Variants in TNS3 observed in about 807,000 individuals in gnomAD.
TNS3 encodes tensin-3.
In TNS3, 45 loss-of-function variants were observed where a neutral mutation model predicts 140.9. The observed-to-expected ratio is 0.32, with a 90% CI of 0.25 to 0.41. TNS3 has a LOEUF of 0.41. Ranked by LOEUF, TNS3 falls within the 10% of genes least tolerant of loss-of-function variation. TNS3 has a pLI of 1.00. For missense variants in TNS3, 1,716 were observed against 1,906.7 expected, an observed-to-expected ratio of 0.90 and a Z score of 1.86; for synonymous variants, 815 against 788.4, an observed-to-expected ratio of 1.03 and a Z score of -0.56.
At chr7:47,455,095 T>C (rs2941527) in intron 4 of TNS3, among the ~76,000 whole-genome samples, 95,653 of 152,040 alleles carry the variant, frequency 0.63, 30,643 homozygotes, top group Non-Finnish European at 0.69. Context: ...AGCATACAGA[T>C]ACCTGGTCCT....
intron 16 of TNS3, among the ~76,000 whole-genome samples, chr7:47,380,172 G>A (rs1436857364): frequency 2.6e-5 from 4 of 152,200 alleles, no homozygotes; most frequent in Admixed American, 2.0e-4. Context: ...CACAGACGCC[G>A]CCAAGGTGCC....
At chr7:47,526,620 A>G (rs561544670) in intron 2 of TNS3, among the ~76,000 whole-genome samples, 1 of 152,314 alleles carries the variant, frequency 6.6e-6, no homozygotes, top group South Asian at 2.1e-4. Context: ...CTGTCCCCAC[A>G]TAGCATCTGA....
intron 2 of TNS3, among the ~76,000 whole-genome samples, chr7:47,521,363 G>C (rs1798972407): frequency 6.6e-6 from 1 of 152,214 alleles, no homozygotes; most frequent in African/African-American, 2.4e-5. Context: ...CAATGCACCA[G>C]CTGCCGCACC....
chr7:47,441,313 G>A (rs1795455145), intron 5 of TNS3, among the ~76,000 whole-genome samples: 1 of 152,098 alleles, frequency 6.6e-6, no homozygotes, highest in African/African-American at 2.4e-5. Flanking sequence ...CGAATAGCTG[G>A]GATTACAGGC....
intron 13 of TNS3, among the ~76,000 whole-genome samples, chr7:47,409,656 A>ATTTTTTTTTT (rs1314338489): frequency 1.3e-5 from 2 of 150,126 alleles, no homozygotes; most frequent in African/African-American, 5.0e-5. Flanking sequence ...CTCTTGGCCT[A>ATTTTTTTTTT]TTCTTTTTTT....
intron 1 of TNS3, among the ~76,000 whole-genome samples, chr7:47,543,753 G>A (rs926029398): frequency 2.0e-5 from 3 of 152,160 alleles, no homozygotes; most frequent in Admixed American, 6.5e-5. Flanking sequence ...TAACCAAAAC[G>A]TCTCCATTGG....
chr7:47,449,093 C>T (rs554480968), intron 4 of TNS3, among the ~76,000 whole-genome samples: 7 of 152,308 alleles, frequency 4.6e-5, no homozygotes, highest in African/African-American at 1.2e-4. Flanking sequence ...TGTATGTTGC[C>T]GATACATCCA....
At chr7:47,301,453 C>T (rs567561692) in intron 23 of TNS3, among the ~76,000 whole-genome samples, 37 of 152,200 alleles carry the variant, frequency 2.4e-4, no homozygotes, top group African/African-American at 7.7e-4. Flanking sequence ...ATCCCACAGC[C>T]GAGGGAAGCA....
chr7:47,451,798 C>T (rs1161585812), intron 4 of TNS3, among the ~76,000 whole-genome samples: 1 of 152,200 alleles, frequency 6.6e-6, no homozygotes, highest in African/African-American at 2.4e-5. Context: ...TTTTCAAAGG[C>T]AACAACCTGA....
intron 2 of TNS3, among the ~76,000 whole-genome samples, chr7:47,510,937 CAAT>C (rs1177641397): frequency 6.7e-6 from 1 of 149,596 alleles, no homozygotes; most frequent in East Asian, 2.0e-4. Flanking sequence ...TTAAAATCAA[CAAT>C]ATTATTAACA....
chr7:47,486,251 C>T (rs1177726436), intron 3 of TNS3, among the ~76,000 whole-genome samples: 3 of 151,592 alleles, frequency 2.0e-5, no homozygotes, highest in South Asian at 2.1e-4. Flanking sequence ...GGGGTGTGAG[C>T]GTGTGTGCTT....
chr7:47,477,867 G>A (rs1009642627), intron 4 of TNS3, among the ~76,000 whole-genome samples: 1 of 152,166 alleles, frequency 6.6e-6, no homozygotes, highest in East Asian at 1.9e-4. Context: ...TAAATGGGGG[G>A]GTCTGCTTCT....
intron 17 of TNS3, among the ~76,000 whole-genome samples, chr7:47,366,275 G>A (rs1437758425): frequency 6.6e-6 from 1 of 152,066 alleles, no homozygotes; most frequent in Non-Finnish European, 1.5e-5. Flanking sequence ...GTTGCTATAC[G>A]GCTGTATTGT....
intron 1 of TNS3, among the ~76,000 whole-genome samples, chr7:47,576,193 G>T (rs1239020600): frequency 6.6e-6 from 1 of 152,222 alleles, no homozygotes; most frequent in South Asian, 2.1e-4. Flanking sequence ...GAATGAGGAA[G>T]TGGTTCTCCA....
Position 47,428,510 on chromosome 7 carries a change from C to G in TNS3, c.325-134G>C, listed in dbSNP as rs540407541. Reference sequence around the variant, plus strand: ...GTGGTAAGGCCAGCATTACCCACAGCCTTCCTGTCTGGGAAAGTCAGTACC... The same window carrying G: ...GTGGTAAGGCCAGCATTACCCACAGGCTTCCTGTCTGGGAAAGTCAGTACC... On this transcript the variant is annotated intron_variant, in intron 8 of 30. Coordinates refer to ENST00000311160, the MANE Select transcript of TNS3 (RefSeq NM_022748.12). The G allele has an allele frequency of 1.8e-4, 103 of 572,296 alleles. 2 individuals are homozygous for G. The South Asian group carries it at 6.7e-3, about 37-fold the overall frequency. 35.5% of individuals were successfully genotyped at this position (572,296 alleles called of 1,614,324 possible). A position where few individuals can be genotyped will look rare whatever the true frequency, so the allele number is the denominator to read the frequency against.
chr7:47,412,376 T>G (rs1435513968), intron 12 of TNS3, among the ~76,000 whole-genome samples: 1 of 152,172 alleles, frequency 6.6e-6, no homozygotes, highest in Non-Finnish European at 1.5e-5. Context: ...CCCAGCACTT[T>G]GGGAAGCCAA....
At chr7:47,530,236 G>C (rs2151941686) in intron 1 of TNS3, among the ~76,000 whole-genome samples, 1 of 152,294 alleles carries the variant, frequency 6.6e-6, no homozygotes, top group Non-Finnish European at 1.5e-5. Context: ...TAAGAATACA[G>C]TGCAAGATAC....
rs1360596604 is a variant in TNS3 at position 47,524,808 on chromosome 7, CAAGAAAAAAAAAAA to C, written c.-153+4214_-153+4227del. Among the ~76,000 whole-genome samples, 11 of 25,258 alleles carry C rather than the reference CAAGAAAAAAAAAAA, an allele frequency of 4.4e-4. No homozygotes were observed. The East Asian group carries it at 6.4e-3, about 15-fold the overall frequency. The allele number at this position is 25,258 out of a possible 152,430, so 16.6% of individuals were successfully genotyped here. The stretch of plus-strand genomic sequence containing the variant: ...TGGGCGACAGAGCGAGACTCCGTCT[CAAGAAAAAAAAAAA>C]AAAAAAAAAAAAAAGGCAATGGGAG... On this transcript the variant is annotated intron_variant, in intron 2 of 30. Transcript: ENST00000311160.
chr7:47,544,951 A>G (rs1430130391), intron 1 of TNS3, among the ~76,000 whole-genome samples: 2 of 151,832 alleles, frequency 1.3e-5, no homozygotes, highest in African/African-American at 2.4e-5. Flanking sequence ...CTGCAGAGTT[A>G]GTTGTACGAA....
Sources: gnomAD v4.1 joint callset for allele counts (sites outside exome capture counted in the v4.1 genomes callset) on GRCh38, gnomAD v4.1.1 for gene constraint, MANE v1.5 for transcripts, NCBI Gene and HGNC (gene_info 2026-07-23, HGNC 2026-07-21) for gene names.